Variants in RYR2 observed in about 807,000 individuals in gnomAD.
The protein encoded by RYR2 is ryanodine receptor 2.
RYR2 carries 227 observed loss-of-function variants against 601.1 expected under a neutral mutation model. That is an observed-to-expected ratio of 0.38 (90% CI 0.34 to 0.42). RYR2 has a LOEUF of 0.42. Among genes scored for constraint, RYR2 ranks in the 10% least tolerant of loss-of-function variants. The pLI is 1.00. For synonymous variants in RYR2, 2,223 were observed against 2,175.1 expected (o/e 1.02, Z -0.61); for missense variants, 4,646 against 6,156.5 (o/e 0.75, Z 8.21).
chr1:237,829,308 G>T (rs1663510332), intron 102 of RYR2, among the ~76,000 whole-genome samples: 1 of 152,214 alleles, frequency 6.6e-6, no homozygotes, highest in Non-Finnish European at 1.5e-5. Context: ...TGGGCTGTCA[G>T]CATTTTCCAG....
intron 23 of RYR2, among the ~76,000 whole-genome samples, chr1:237,509,900 C>G (rs1442108782): frequency 6.6e-6 from 1 of 152,188 alleles, no homozygotes; most frequent in East Asian, 1.9e-4. Flanking sequence ...GCAGAAGAGA[C>G]AGGACATTAG....
chr1:237,732,308 C>A (rs1468714107), intron 78 of RYR2, among the ~76,000 whole-genome samples, 159 bp downstream of exon 78: 1 of 152,078 alleles, frequency 6.6e-6, no homozygotes, highest in Non-Finnish European at 1.5e-5. Context: ...TACCTAGGGA[C>A]CGACACTCAT....
chr1:237,308,098 T>A (rs1694076679), intron 2 of RYR2, among the ~76,000 whole-genome samples: 1 of 152,190 alleles, frequency 6.6e-6, no homozygotes, highest in African/African-American at 2.4e-5. Context: ...CTCTAGATGT[T>A]TATTATGGTT....
intron 16 of RYR2, among the ~76,000 whole-genome samples, chr1:237,465,582 T>G (rs1202271468): frequency 6.6e-6 from 1 of 152,212 alleles, no homozygotes; most frequent in East Asian, 1.9e-4. Context: ...TGTTATAGCC[T>G]ATTGCACAGC....
Position 237,614,790 on chromosome 1 carries a change from C to A in RYR2, c.5662C>A (p.Arg1888=), listed in dbSNP as rs1006109370. ...TGAGGAAGAAGCCAAGGGGGGCAAGCGGCCCAAGGAAGGCCTGCTCCAAAT... is the reference window on the plus strand; with the variant it reads ...TGAGGAAGAAGCCAAGGGGGGCAAGAGGCCCAAGGAAGGCCTGCTCCAAAT... ...AGEEEAKGGK[R]PKEGLLQMKL... is the part of the protein sequence containing the mutation. Residue 1888 remains arginine, a synonymous_variant, in exon 37 of 105, where the codon CGG becomes AGG. Coordinates refer to ENST00000366574, the MANE Select transcript of RYR2 (RefSeq NM_001035.3). This position sits in a 1 kb window ranked among gnomAD's most constrained non-coding sequence, Gnocchi z 4.3. 1 of 1,607,568 alleles carries A rather than the reference C, an allele frequency of 6.2e-7. No individual in the cohort carries two copies. Among genetic ancestry groups the A allele is most frequent in the Admixed American group, 1.7e-5 (1 of 59,658 alleles).
At chr1:237,120,890 A>G (rs1670693194) in intron 1 of RYR2, 1 of 152,210 alleles carries the variant, frequency 6.6e-6, no homozygotes, top group South Asian at 2.1e-4. Flanking sequence ...CTCTCCCCTC[A>G]TGCCATGTGC....
chr1:237,159,245 C>G (rs370686752), intron 1 of RYR2, among the ~76,000 whole-genome samples: 1 of 151,982 alleles, frequency 6.6e-6, no homozygotes, highest in African/African-American at 2.4e-5. Context: ...GAGCCGAGAT[C>G]ATGCCGTTGC....
At chr1:237,485,093 A>C (rs1662535506) in intron 17 of RYR2, among the ~76,000 whole-genome samples, 1 of 152,250 alleles carries the variant, frequency 6.6e-6, no homozygotes, top group Non-Finnish European at 1.5e-5. Flanking sequence ...ATTGAAACAC[A>C]GATAAGGAAA....
chr1:237,153,685 A>G (rs539220672), intron 1 of RYR2, among the ~76,000 whole-genome samples: 9 of 151,986 alleles, frequency 5.9e-5, no homozygotes, highest in Admixed American at 3.9e-4. Flanking sequence ...AATTTTGCAG[A>G]CAATCTGCAA....
intron 24 of RYR2, among the ~76,000 whole-genome samples, chr1:237,516,427 C>G (rs758024470): frequency 7.2e-5 from 11 of 152,052 alleles, no homozygotes; most frequent in Non-Finnish European, 1.5e-4. Context: ...CCAATCTTCC[C>G]AAGTTCTAAA....
intron 12 of RYR2, among the ~76,000 whole-genome samples, chr1:237,428,484 A>G (rs547121503): frequency 6.6e-6 from 1 of 152,226 alleles, no homozygotes; most frequent in African/African-American, 2.4e-5. Flanking sequence ...ATCCTCAGCA[A>G]ACTAACACAG....
At chr1:237,222,175 G>A (rs1229920643) in intron 1 of RYR2, among the ~76,000 whole-genome samples, 3 of 152,140 alleles carry the variant, frequency 2.0e-5, no homozygotes, top group Non-Finnish European at 4.4e-5. Context: ...AGCACTTTGG[G>A]AGGCTGAGGT....
At chr1:237,597,160 G>A (rs1366849993) in intron 34 of RYR2, among the ~76,000 whole-genome samples, 3 of 152,172 alleles carry the variant, frequency 2.0e-5, no homozygotes, top group Non-Finnish European at 2.9e-5. Flanking sequence ...TAGTACTCTA[G>A]TATGAAGGTT....
intron 1 of RYR2, among the ~76,000 whole-genome samples, chr1:237,159,887 T>C (rs1381082357): frequency 6.6e-6 from 1 of 152,212 alleles, no homozygotes; most frequent in East Asian, 1.9e-4. Context: ...AAACACTCCC[T>C]TGAAATTATT....
chr1:237,141,829 C>T lies in RYR2; in HGVS notation c.48+99260C>T, dbSNP rs139460884. On this transcript the variant is annotated intron_variant, in intron 1 of 104. Coordinates refer to ENST00000366574, the MANE Select transcript of RYR2 (RefSeq NM_001035.3). ...TTTGGGTTCTCAGAAACACCTTCTT[C>T]TTGGCTGGGCACTATGGCCTTGGTT... Among the ~76,000 whole-genome samples, 721 of 152,290 alleles carry T rather than the reference C, an allele frequency of 4.7e-3. 4 individuals are homozygous for T. The highest frequency in any genetic ancestry group is 0.016 in the African/African-American group (679 of 41,554).
chr1:237,648,580 G>T lies in RYR2; in HGVS notation c.7479G>T (p.Leu2493=). The T allele has an allele frequency of 6.2e-7, 1 of 1,610,876 alleles. No homozygotes were observed. The highest frequency in any genetic ancestry group is 8.5e-7 in the Non-Finnish European group (1 of 1,178,402). Residue 2493 remains leucine, a synonymous_variant, in exon 49 of 105, where the codon CTG becomes CTT. Transcript: ENST00000366574. Reference sequence around the variant, plus strand: ...TCCATCTTCTTGAGGTTGGCTTTCTGCCAGATCTCCGGGCGGCTGCTTCTT... The same window carrying T: ...TCCATCTTCTTGAGGTTGGCTTTCTTCCAGATCTCCGGGCGGCTGCTTCTT... ...FLLHLLEVGF[L]PDLRAAASLD... is the part of the protein sequence containing the mutation.
At chr1:237,601,249 G>T (rs886357698) in intron 34 of RYR2, among the ~76,000 whole-genome samples, 1 of 152,084 alleles carries the variant, frequency 6.6e-6, no homozygotes, top group African/African-American at 2.4e-5. Context: ...ATACTATTTG[G>T]TCATAAAAAA....
chr1:237,600,844 G>C (rs769949541), intron 34 of RYR2, among the ~76,000 whole-genome samples: 2 of 152,132 alleles, frequency 1.3e-5, no homozygotes, highest in Non-Finnish European at 2.9e-5. Context: ...ATGAAAACAT[G>C]CTCAACATCA....
chr1:237,202,009 G>A (rs1423812050), intron 1 of RYR2, among the ~76,000 whole-genome samples: 1 of 152,332 alleles, frequency 6.6e-6, no homozygotes, highest in Admixed American at 6.5e-5. Flanking sequence ...ATAAATATGA[G>A]TGCAAGATAA....
Sources: allele counts gnomAD v4.1 joint callset (sites outside exome capture counted in the v4.1 genomes callset), GRCh38; gene constraint gnomAD v4.1.1; non-coding constraint Gnocchi (gnomAD v3.1); transcripts MANE v1.5; gene names NCBI Gene and HGNC (gene_info 2026-07-23, HGNC 2026-07-21).